PSTPIP2: variants seen among roughly 807,000 people sequenced by gnomAD.
PSTPIP2 encodes the protein proline-serine-threonine phosphatase-interacting protein 2.
Under a neutral mutation model 63.3 loss-of-function variants are expected in PSTPIP2, and 33 were observed. The ratio of observed to expected loss-of-function variants is 0.52; its 90% CI spans 0.40 to 0.70. PSTPIP2 has a LOEUF of 0.70. PSTPIP2 is among the 30% of genes least tolerant of loss of function. PSTPIP2 has a pLI of 0.00. For missense variants in PSTPIP2, 312 were observed against 400.7 expected (o/e 0.78, Z 1.89); for synonymous variants, 125 against 132.7 (o/e 0.94, Z 0.40).
intron 3 of PSTPIP2, among the ~76,000 whole-genome samples, chr18:46,022,698 A>G (rs1325624296): frequency 2.0e-5 from 3 of 152,228 alleles, no homozygotes; most frequent in African/African-American, 7.2e-5. Context: ...CAGGGAAACC[A>G]GCCTTGTGTA....
intron 1 of PSTPIP2, among the ~76,000 whole-genome samples, chr18:46,056,297 TC>T (rs1332282858): frequency 2.0e-5 from 3 of 152,222 alleles, no homozygotes; most frequent in African/African-American, 7.2e-5. Flanking sequence ...AATCCATGCT[TC>T]CCTCTGTTGT....
At chr18:46,057,408 A>T (rs925070990) in intron 1 of PSTPIP2, among the ~76,000 whole-genome samples, 6 of 150,620 alleles carry the variant, frequency 4.0e-5, no homozygotes, top group Admixed American at 6.6e-5. Context: ...GCTCACTGCA[A>T]CCTCCACCTC....
At chr18:46,030,008 G>A (rs746516715) in intron 2 of PSTPIP2, among the ~76,000 whole-genome samples, 1 of 152,180 alleles carries the variant, frequency 6.6e-6, no homozygotes, top group Non-Finnish European at 1.5e-5. Flanking sequence ...CAGCTACTTG[G>A]GAGGCTGAGG....
chr18:45,993,765 G>A (rs2051563427), intron 9 of PSTPIP2, 62 bp from the exon 10 acceptor site: 4 of 1,434,134 alleles, frequency 2.8e-6, no homozygotes, highest in Non-Finnish European at 3.9e-6. Flanking sequence ...ATTTTGGCTA[G>A]CTGTGACTTA....
chr18:46,015,652 C>G (rs2051845373), intron 4 of PSTPIP2, among the ~76,000 whole-genome samples: 1 of 152,118 alleles, frequency 6.6e-6, no homozygotes, highest in Non-Finnish European at 1.5e-5. Context: ...AACAAGCCCT[C>G]CAGGTGATTC....
chr18:46,051,074 G>T (rs1357891602), intron 1 of PSTPIP2, among the ~76,000 whole-genome samples: 1 of 152,106 alleles, frequency 6.6e-6, no homozygotes, highest in African/African-American at 2.4e-5. Flanking sequence ...ATGTTGGACA[G>T]GCTGGTCTCG....
chr18:46,069,302 T>C (rs1014834590), intron 1 of PSTPIP2, among the ~76,000 whole-genome samples: 4 of 152,180 alleles, frequency 2.6e-5, no homozygotes, highest in Admixed American at 2.6e-4. Flanking sequence ...CCTGGATCTT[T>C]GGAAACTGTG....
At chr18:46,005,257 G>T (rs2051712821) in intron 6 of PSTPIP2, among the ~76,000 whole-genome samples, 1 of 152,056 alleles carries the variant, frequency 6.6e-6, no homozygotes, top group African/African-American at 2.4e-5. Context: ...TAACTATTGG[G>T]TACTGAACTT....
intron 14 of PSTPIP2, among the ~76,000 whole-genome samples, chr18:45,987,813 A>G (rs2051483000): frequency 6.6e-6 from 1 of 152,148 alleles, no homozygotes; most frequent in Admixed American, 6.5e-5. Flanking sequence ...GAATGTTCCA[A>G]GCACCTGAGT....
At chr18:46,058,591 C>T (rs1908862668) in intron 1 of PSTPIP2, among the ~76,000 whole-genome samples, 1 of 152,080 alleles carries the variant, frequency 6.6e-6, no homozygotes, top group Admixed American at 6.6e-5. Flanking sequence ...AAACTCCTGA[C>T]CTCGTGATCC....
intron 1 of PSTPIP2, among the ~76,000 whole-genome samples, chr18:46,052,797 G>C (rs922607833): frequency 6.6e-6 from 1 of 152,130 alleles, no homozygotes; most frequent in African/African-American, 2.4e-5. Context: ...GAATCAGAAG[G>C]TACAATTACT....
At chr18:45,997,657 T>TCC (rs2051612926) in intron 9 of PSTPIP2, 92 bp downstream of exon 9, 1 of 20,050 alleles carries the variant, frequency 5.0e-5, no homozygotes, top group African/African-American at 3.3e-4. Flanking sequence ...CCCCTCCCCC[T>TCC]CCTCCCCTCC....
intron 1 of PSTPIP2, among the ~76,000 whole-genome samples, chr18:46,050,908 G>A (rs1339681195): frequency 6.6e-6 from 1 of 151,674 alleles, no homozygotes. Flanking sequence ...TGTCGCTCAG[G>A]CTGGAGTGCG....
intron 1 of PSTPIP2, among the ~76,000 whole-genome samples, chr18:46,053,484 A>AT (rs934350630): frequency 1.3e-5 from 2 of 152,088 alleles, no homozygotes; most frequent in African/African-American, 2.4e-5. Flanking sequence ...TAACTTGCTG[A>AT]TTTTTTACCC....
Position 46,065,295 on chromosome 18 carries a change from AT to A in PSTPIP2, c.33+6860del, listed in dbSNP as rs34055401. Among the ~76,000 whole-genome samples, 302 of 140,646 alleles carry A rather than the reference AT, an allele frequency of 2.1e-3. 1 individual carries two copies. Among genetic ancestry groups the A allele is most frequent in the South Asian group, 0.011 (51 of 4,580 alleles). 92.3% of individuals were successfully genotyped at this position (140,646 alleles called of 152,430 possible). On this transcript the variant is annotated intron_variant, in intron 1 of 14. Transcript: ENST00000409746. ...ATAGCAATATATAAAATAAGTTATAATTTTTTTTTTTTTTGAGATGTAGTCT... is the reference window on the plus strand; with the variant it reads ...ATAGCAATATATAAAATAAGTTATAATTTTTTTTTTTTTGAGATGTAGTCT...
At chr18:46,006,485 C>A (rs2051729551) in intron 5 of PSTPIP2, among the ~76,000 whole-genome samples, 1 of 150,204 alleles carries the variant, frequency 6.7e-6, no homozygotes, top group Non-Finnish European at 1.5e-5. Flanking sequence ...GAGTCTCCTG[C>A]CTCTCAGCCT....
chr18:46,040,260 G>T, intron 1 of PSTPIP2: 1 of 436,222 alleles, frequency 2.3e-6, no homozygotes. Context: ...GAAAATTCCA[G>T]GTATCTAGCT....
intron 2 of PSTPIP2, 64 bp from the exon 3 acceptor site, chr18:46,024,750 G>T: frequency 7.3e-7 from 1 of 1,365,136 alleles, no homozygotes; most frequent in Non-Finnish European, 1.0e-6. Flanking sequence ...AAGACACAAT[G>T]ACCCTCCCTT....
At chr18:46,037,493 A>T (rs1388857848) in intron 2 of PSTPIP2, among the ~76,000 whole-genome samples, 1 of 152,184 alleles carries the variant, frequency 6.6e-6, no homozygotes, top group Non-Finnish European at 1.5e-5. Flanking sequence ...TTTAAGACTC[A>T]AGGAGGATGT....
Sources: gnomAD v4.1 joint callset for allele counts (sites outside exome capture counted in the v4.1 genomes callset) on GRCh38, gnomAD v4.1.1 for gene constraint, MANE v1.5 for transcripts, NCBI Gene and HGNC (gene_info 2026-07-23, HGNC 2026-07-21) for gene names.